Variants in SBSPON observed in about 807,000 individuals in gnomAD.
The protein encoded by SBSPON is somatomedin B and thrombospondin type 1 domain containing, also known as somatomedin-B and thrombospondin type-1 domain-containing protein.
In SBSPON, 30 loss-of-function variants were observed where a neutral mutation model predicts 35.8. The observed-to-expected ratio is 0.84, with a 90% CI of 0.63 to 1.14. The LOEUF (loss-of-function observed/expected upper bound fraction) is 1.14. Ranked by LOEUF, SBSPON falls within the 50% of genes most tolerant of loss-of-function variation. The probability of loss-of-function intolerance (pLI) is 0.00; values close to 1 mark genes in which losing one functional copy is unlikely to be tolerated. For synonymous variants in SBSPON, 136 were observed against 135.9 expected, an observed-to-expected ratio of 1.00 and a Z score of 0.00; for missense variants, 364 against 357.7, an observed-to-expected ratio of 1.02 and a Z score of -0.14.
intron 1 of SBSPON, among the ~76,000 whole-genome samples, chr8:73,087,626 G>A (rs1254644907): frequency 6.6e-6 from 1 of 151,872 alleles, no homozygotes; most frequent in Middle Eastern, 3.2e-3. Flanking sequence ...TTTCCTTTGG[G>A]TGAGTTTGGA....
chr8:73,068,924 A>T (rs1016693487), intron 4 of SBSPON, among the ~76,000 whole-genome samples: 1 of 152,202 alleles, frequency 6.6e-6, no homozygotes, highest in Non-Finnish European at 1.5e-5. Flanking sequence ...ACGAAATTCA[A>T]ATTTTAGGGT....
At chr8:73,071,379 C>T (rs1810489914) in intron 3 of SBSPON, among the ~76,000 whole-genome samples, 1 of 152,156 alleles carries the variant, frequency 6.6e-6, no homozygotes, top group African/African-American at 2.4e-5. Context: ...AGGTGACTTC[C>T]AGCCTGTACC....
chr8:73,069,016 G>T (rs1030414124), intron 4 of SBSPON, among the ~76,000 whole-genome samples: 1 of 152,126 alleles, frequency 6.6e-6, no homozygotes, highest in Non-Finnish European at 1.5e-5. Flanking sequence ...TCAGAGTTGA[G>T]GGGTTGTCAC....
Position 73,064,851 on chromosome 8 carries a change from G to A in SBSPON, c.*2490C>T, listed in dbSNP as rs185724408. ...CTGGTGGCTGTATTTATTTTTGTTCGAATTATTTTCCATGAGCACTTTTGA... is the reference window on the plus strand; with the variant it reads ...CTGGTGGCTGTATTTATTTTTGTTCAAATTATTTTCCATGAGCACTTTTGA... On this transcript the variant is annotated 3_prime_UTR_variant, in exon 5 of 5. Transcript: ENST00000297354. 9 of 150,852 alleles carry A rather than the reference G, an allele frequency of 6.0e-5. No individual in the cohort carries two copies. In the East Asian group the frequency reaches 9.7e-4, roughly 16 times the overall value. The allele number at this position is 150,852 out of a possible 1,614,324, so 9.3% of individuals were successfully genotyped here.
intron 4 of SBSPON, 147 bp downstream of exon 4, chr8:73,069,658 G>T: frequency 1.5e-6 from 1 of 663,488 alleles, no homozygotes; most frequent in Non-Finnish European, 2.6e-6. Context: ...CCCAGGCAGT[G>T]CCAGAGGATG....
chr8:73,093,073 G>A lies in SBSPON; in HGVS notation c.-6C>T. ...GCCATCCACAGGGTCCTCATGGCCA[G>A]GGCTCCGGCGGCGCCTGCGACGCGA... On this transcript the variant is annotated 5_prime_UTR_variant, in exon 1 of 5. Transcript: ENST00000297354. 1 of 1,324,030 alleles carries A rather than the reference G, an allele frequency of 7.6e-7. No individual in the cohort carries two copies. Among genetic ancestry groups the A allele is most frequent in the Non-Finnish European group, 9.6e-7 (1 of 1,040,568 alleles). The allele number at this position is 1,324,030 out of a possible 1,614,324, so 82.0% of individuals were successfully genotyped here. A position where few individuals can be genotyped will look rare whatever the true frequency, so the allele number is the denominator to read the frequency against.
intron 3 of SBSPON, among the ~76,000 whole-genome samples, chr8:73,071,105 C>G (rs1360950617): frequency 6.6e-6 from 1 of 152,192 alleles, no homozygotes; most frequent in Non-Finnish European, 1.5e-5. Flanking sequence ...AATCCTCCTG[C>G]TCCAGCCTCC....
intron 1 of SBSPON, chr8:73,085,484 G>T (rs552870321): frequency 6.6e-6 from 1 of 151,726 alleles, no homozygotes; most frequent in African/African-American, 2.4e-5. Context: ...GTCTGACATG[G>T]TCTGTGCCAC....
intron 1 of SBSPON, among the ~76,000 whole-genome samples, chr8:73,084,536 G>A (rs1244997249): frequency 6.6e-6 from 1 of 151,982 alleles, no homozygotes; most frequent in Non-Finnish European, 1.5e-5. Context: ...TCTGCTCCAA[G>A]TTCAGCCACA....
At chr8:73,078,293 A>G (rs1444837770) in intron 2 of SBSPON, among the ~76,000 whole-genome samples, 1 of 152,164 alleles carries the variant, frequency 6.6e-6, no homozygotes, top group Non-Finnish European at 1.5e-5. Context: ...AGCTTGTGAC[A>G]GGAGTAATCA....
At position 73,065,246 on chromosome 8, in the gene SBSPON, A is replaced by G. The variant is rs1810364536; in HGVS notation, c.*2095T>C. 1 of 152,244 alleles carries G rather than the reference A, an allele frequency of 6.6e-6. No homozygotes were observed. The highest frequency in any genetic ancestry group is 1.5e-5 in the Non-Finnish European group (1 of 68,046). 9.4% of individuals were successfully genotyped at this position (152,244 alleles called of 1,614,324 possible). A position where few individuals can be genotyped will look rare whatever the true frequency, so the allele number is the denominator to read the frequency against. ...GCATAAGGTGAAAAATTTATTTTAT[A>G]CACCTCAATTATGTTAAATGTTATA... On this transcript the variant is annotated 3_prime_UTR_variant, in exon 5 of 5. Coordinates refer to ENST00000297354, the MANE Select transcript of SBSPON (RefSeq NM_153225.4).
At chr8:73,091,728 T>C (rs1365179915) in intron 1 of SBSPON, among the ~76,000 whole-genome samples, 1 of 152,244 alleles carries the variant, frequency 6.6e-6, no homozygotes, top group East Asian at 1.9e-4. Flanking sequence ...AATATCAATA[T>C]TCACAGGTAA....
Position 73,087,352 on chromosome 8 carries a change from G to C in SBSPON, c.214+5502C>G, listed in dbSNP as rs199744206. 2.6e-5 allele frequency among the ~76,000 whole-genome samples: 4 copies of C among 152,164 alleles called. No individual in the cohort carries two copies. In the East Asian group the frequency reaches 7.7e-4, roughly 29 times the overall value. Reference sequence around the variant, plus strand: ...ACCAAAATGAGGACTAACATCAGCGGGTTGAGGGATCCAAGTAAGTTAATA... The same window carrying C: ...ACCAAAATGAGGACTAACATCAGCGCGTTGAGGGATCCAAGTAAGTTAATA... On this transcript the variant is annotated intron_variant, in intron 1 of 4. Transcript: ENST00000297354.
chr8:73,071,765 A>AC lies in SBSPON; in HGVS notation c.500+14_500+15insG, dbSNP rs770280051. Reference sequence around the variant, plus strand: ...TGAAAAACATGATTAAAAAAAAAAAAAAACACGAAATTACCCAGCATCCTC... The same window carrying AC: ...TGAAAAACATGATTAAAAAAAAAAAACAAACACGAAATTACCCAGCATCCTC... On this transcript the variant is annotated intron_variant, in intron 3 of 4. Transcript: ENST00000297354. 11 of 1,542,382 alleles carry AC rather than the reference A, an allele frequency of 7.1e-6. No homozygotes were observed. In the African/African-American group the frequency reaches 9.7e-5, roughly 14 times the overall value.
rs1291947746 is a variant in SBSPON at position 73,067,363 on chromosome 8, A to C, written c.773T>G (p.Val258Gly). ...CATCTATATAAAAATAAAACTGTGA[A>C]CAGCTGGACAAGAACACTGGTCTAC... ...RRVDQCSCPA[V>G]HSFIFI The change falls in exon 5 of 5, where the codon GTT becomes GGT. Residue 258 changes from valine (V) to glycine (G), a missense_variant. Val to Gly is a moderately radical substitution (Grantham distance 109). Coordinates refer to ENST00000297354, the MANE Select transcript of SBSPON (RefSeq NM_153225.4). 1.9e-6 allele frequency: 3 copies of C among 1,596,760 alleles called. No individual in the cohort carries two copies. The highest frequency in any genetic ancestry group is 1.7e-6 in the Non-Finnish European group (2 of 1,164,636).
intron 2 of SBSPON, among the ~76,000 whole-genome samples, chr8:73,079,655 C>G (rs988280887): frequency 6.6e-6 from 1 of 152,134 alleles, no homozygotes; most frequent in Non-Finnish European, 1.5e-5. Flanking sequence ...CCTCCTTCTC[C>G]CCCAAGACCG....
At chr8:73,086,307 C>T (rs1367026350) in intron 1 of SBSPON, among the ~76,000 whole-genome samples, 2 of 151,834 alleles carry the variant, frequency 1.3e-5, no homozygotes, top group Admixed American at 6.6e-5. Context: ...ATTATAGGAG[C>T]GCACCTCCCT....
At chr8:73,090,016 A>G (rs1197531982) in intron 1 of SBSPON, among the ~76,000 whole-genome samples, 1 of 152,160 alleles carries the variant, frequency 6.6e-6, no homozygotes, top group Non-Finnish European at 1.5e-5. Flanking sequence ...GGTAGCTAGG[A>G]CTACAAGGGC....
intron 2 of SBSPON, among the ~76,000 whole-genome samples, chr8:73,077,939 A>G (rs1365359089): frequency 6.6e-6 from 1 of 152,216 alleles, no homozygotes; most frequent in African/African-American, 2.4e-5. Flanking sequence ...AAACTGTCTG[A>G]TTTACCCCAT....
Sources: allele counts gnomAD v4.1 joint callset (sites outside exome capture counted in the v4.1 genomes callset), GRCh38; gene constraint gnomAD v4.1.1; transcripts MANE v1.5; gene names NCBI Gene and HGNC (gene_info 2026-07-23, HGNC 2026-07-21).